The following HECTD4 variants were observed in gnomAD, a reference collection of about 807,000 sequenced individuals.
HECTD4 encodes probable E3 ubiquitin-protein ligase HECTD4.
A neutral mutation model predicts 471.5 loss-of-function variants in HECTD4; 114 were observed. The ratio of observed to expected loss-of-function variants is 0.24; its 90% confidence interval spans 0.21 to 0.28. HECTD4 has a LOEUF of 0.28. HECTD4 is among the 10% of genes least tolerant of loss of function. HECTD4 has a pLI of 1.00. For missense variants in HECTD4, 3,866 were observed against 5,651.5 expected, an observed-to-expected ratio of 0.68 and a Z score of 10.13; for synonymous variants, 2,012 against 2,256.0, an observed-to-expected ratio of 0.89 and a Z score of 3.07.
chr12:112,238,988 A>G, intron 34 of HECTD4, 64 bp downstream of exon 34: 1 of 1,468,852 alleles, frequency 6.8e-7, no homozygotes, highest in African/African-American at 1.4e-5. Context: ...GCATAAAAAA[A>G]CCAATAAACT....
intron 45 of HECTD4, among the ~76,000 whole-genome samples, 162 bp from the exon 46 acceptor site, chr12:112,217,357 AATTT>A (rs918156015): frequency 1.7e-4 from 25 of 148,222 alleles, no homozygotes; most frequent in Non-Finnish European, 3.0e-4. Context: ...ACACACACAC[AATTT>A]ATTTATTTAG....
intron 13 of HECTD4, among the ~76,000 whole-genome samples, chr12:112,269,332 T>A (rs1487838447): frequency 6.6e-6 from 1 of 152,156 alleles, no homozygotes; most frequent in African/African-American, 2.4e-5. Context: ...AAGGTCACAC[T>A]AGTGAGTGGC....
At chr12:112,268,571 C>T (rs148580030) in intron 13 of HECTD4, among the ~76,000 whole-genome samples, 1 of 152,014 alleles carries the variant, frequency 6.6e-6, no homozygotes, top group Non-Finnish European at 1.5e-5. Flanking sequence ...GCCTGGCCAA[C>T]GTGGTGAAAC....
At chr12:112,283,380 G>T in intron 7 of HECTD4, 78 bp from the exon 8 acceptor site, 1 of 1,118,254 alleles carries the variant, frequency 8.9e-7, no homozygotes, top group South Asian at 1.7e-5. Context: ...GGATATTATT[G>T]TGAGTAAATA....
At position 112,227,968 on chromosome 12, in the gene HECTD4, T is replaced by C. The variant is rs549231863; in HGVS notation, c.6854+121A>G. The C allele has an allele frequency of 9.6e-5, 83 of 863,176 alleles. No individual in the cohort carries two copies. The African/African-American group carries it at 1.1e-3, about 11-fold the overall frequency. 53.5% of individuals were successfully genotyped at this position (863,176 alleles called of 1,614,324 possible). A position where few individuals can be genotyped will look rare whatever the true frequency, so the allele number is the denominator to read the frequency against. Reference sequence around the variant, plus strand: ...TAAAAGAATGGTTACTGTTGCTCAGTTTAGTGTGAGCTTCAAGCTGTGGAT... The same window carrying C: ...TAAAAGAATGGTTACTGTTGCTCAGCTTAGTGTGAGCTTCAAGCTGTGGAT... On this transcript the variant is annotated intron_variant, in intron 43 of 75. Transcript: ENST00000682272.
intron 1 of HECTD4, among the ~76,000 whole-genome samples, chr12:112,324,589 T>TA (rs1420511154): frequency 6.6e-6 from 1 of 152,116 alleles, no homozygotes; most frequent in African/African-American, 2.4e-5. Flanking sequence ...TCAAGTTCCT[T>TA]AAAAAATGAT....
intron 10 of HECTD4, 149 bp downstream of exon 10, chr12:112,274,698 C>T (rs767156626): frequency 4.9e-6 from 3 of 606,232 alleles, no homozygotes; most frequent in African/African-American, 1.9e-5. Flanking sequence ...CAGAAGAGAC[C>T]CTGTCTCAAA....
intron 1 of HECTD4, among the ~76,000 whole-genome samples, chr12:112,361,818 T>C (rs941570787): frequency 1.3e-5 from 2 of 152,218 alleles, no homozygotes; most frequent in Non-Finnish European, 2.9e-5. Context: ...TGTATGGCCC[T>C]GAATGTTAAC....
rs1257835513 is a variant in HECTD4 at position 112,256,526 on chromosome 12, G to C, written c.3129-8C>G. 6.6e-7 allele frequency: 1 copy of C among 1,518,616 alleles called. No homozygotes were observed. Among genetic ancestry groups the C allele is most frequent in the Non-Finnish European group, 8.8e-7 (1 of 1,135,844 alleles). 94.1% of individuals were successfully genotyped at this position (1,518,616 alleles called of 1,614,324 possible). A position where few individuals can be genotyped will look rare whatever the true frequency, so the allele number is the denominator to read the frequency against. Reference sequence around the variant, plus strand: ...TCCTTCTCTTCTAACATTCTAAACAGAAAAAGAGAAAGTGATTTAGCTTAG... The same window carrying C: ...TCCTTCTCTTCTAACATTCTAAACACAAAAAGAGAAAGTGATTTAGCTTAG... On this transcript the variant is annotated splice_region_variant and splice_polypyrimidine_tract_variant and intron_variant, in intron 20 of 75. Transcript: ENST00000682272.
rs2034090443 is a variant in HECTD4 at position 112,259,209 on chromosome 12, A to G, written c.2930T>C (p.Val977Ala). ...TGGATGCATCAAGGAGGTCAGTAAC[A>G]CTGGAAGAAGGTGACCAAGCATAGT... is the stretch of plus-strand genomic sequence containing the variant. Reference protein sequence around the residue: ...KATMLGHLLPVLLTSLMHPNL... With the variant: ...KATMLGHLLPALLTSLMHPNL... The change falls in exon 19 of 76, where the codon GTG (valine) becomes GCG (alanine). Residue 977 changes from valine (V) to alanine (A), a missense_variant. Around this residue, in one of 16 missense-constraint regions of HECTD4, gnomAD observed 525 missense variants for 672.6 expected, o/e 0.78. Transcript: ENST00000682272. 6 of 1,613,842 alleles carry G rather than the reference A, an allele frequency of 3.7e-6. No individual in the cohort carries two copies. The highest frequency in any genetic ancestry group is 5.1e-6 in the Non-Finnish European group (6 of 1,179,862).
At position 112,235,213 on chromosome 12, in the gene HECTD4, T is replaced by C. The variant is rs778434304; in HGVS notation, c.5779A>G (p.Lys1927Glu). Residue 1927 changes from lysine to glutamate, a missense_variant, in exon 37 of 76, where the codon AAA becomes GAA. Physicochemically the swap from Lys to Glu is moderately conservative, Grantham distance 56. Coordinates refer to ENST00000682272, the MANE Select transcript of HECTD4 (RefSeq NM_001388303.1). The surrounding 1 kb of genome is among the most constrained non-coding windows in gnomAD (Gnocchi z 5.0). ...TASEPDTTLT[K>E]TSPKNSLKGD... is the part of the protein sequence containing the mutation. ...TTCAAGGAATTCTTGGGACTGGTTT[T>C]TGTCAATGTGGTGTCAGGTTCAGAA... 1.2e-6 allele frequency: 2 copies of C among 1,614,032 alleles called. No individual in the cohort carries two copies. The highest frequency in any genetic ancestry group is 4.5e-5 in the East Asian group (2 of 44,888).
At position 112,314,562 on chromosome 12, in the gene HECTD4, A is replaced by T; in HGVS notation, c.696-16T>A. On this transcript the variant is annotated splice_polypyrimidine_tract_variant and intron_variant, in intron 2 of 75. Transcript: ENST00000682272. ...CAATGATCCCCTAAAAATAAAAGGA[A>T]GGAACAGTAAATCATCAAAATTTAA... 1 of 1,321,642 alleles carries T rather than the reference A, an allele frequency of 7.6e-7. No individual in the cohort carries two copies. Among genetic ancestry groups the T allele is most frequent in the South Asian group, 1.3e-5 (1 of 78,648 alleles). 81.9% of individuals were successfully genotyped at this position (1,321,642 alleles called of 1,614,324 possible). A position where few individuals can be genotyped will look rare whatever the true frequency, so the allele number is the denominator to read the frequency against.
chr12:112,199,483 T>C (rs2032347384), intron 55 of HECTD4, among the ~76,000 whole-genome samples: 1 of 152,190 alleles, frequency 6.6e-6, no homozygotes, highest in South Asian at 2.1e-4. Context: ...TTCAAAATTG[T>C]CAACATCATG....
chr12:112,239,973 G>A lies in HECTD4; in HGVS notation c.5013C>T (p.Gly1671=), dbSNP rs374020760. 1.5e-4 allele frequency: 241 copies of A among 1,613,832 alleles called. No individual in the cohort carries two copies. The highest frequency in any genetic ancestry group is 1.9e-4 in the Non-Finnish European group (228 of 1,179,826). The change falls in exon 33 of 76, where the codon GGC becomes GGT. Residue 1671 remains glycine (G), a synonymous_variant. Transcript: ENST00000682272. This position sits in a 1 kb window ranked among gnomAD's most constrained non-coding sequence, Gnocchi z 4.9. The part of the protein sequence containing the change: ...GMVEQVQEAF[G]ETMTSVVSLC... ...GAGACACAACAGAGGTCATGGTCTC[G>A]CCAAAGGCTTCCTGGACCTGCTCGA...
In HECTD4 at chr12:112,233,105, G is replaced by C; in HGVS notation, c.5916-20C>G. 6.3e-7 allele frequency: 1 copy of C among 1,584,472 alleles called. No individual in the cohort carries two copies. Among genetic ancestry groups the C allele is most frequent in the East Asian group, 2.3e-5 (1 of 43,756 alleles). ...GAACTACTGAAAAAAGGCAGGCAGA[G>C]AACACAGCACACCTTACAGGCACTG... On this transcript the variant is annotated intron_variant, in intron 37 of 75. Transcript: ENST00000682272.
At chr12:112,199,735 A>G (rs2032359134) in intron 55 of HECTD4, among the ~76,000 whole-genome samples, 1 of 152,354 alleles carries the variant, frequency 6.6e-6, no homozygotes, top group South Asian at 2.1e-4. Context: ...AAGCCTGCAC[A>G]GTGCTAGGCA....
intron 1 of HECTD4, among the ~76,000 whole-genome samples, chr12:112,374,692 T>C (rs143601872): frequency 1.3e-5 from 2 of 152,296 alleles, no homozygotes; most frequent in African/African-American, 4.8e-5. Context: ...TTCCAAAGGA[T>C]TTTGCCCAAA....
intron 25 of HECTD4, 149 bp downstream of exon 25, chr12:112,249,995 G>C: frequency 1.5e-6 from 1 of 657,728 alleles, no homozygotes; most frequent in Non-Finnish European, 2.6e-6. Flanking sequence ...CTGCCTGGTG[G>C]GCCCTCTAGA....
intron 43 of HECTD4, among the ~76,000 whole-genome samples, chr12:112,227,523 A>G (rs1041312316): frequency 6.6e-6 from 1 of 152,210 alleles, no homozygotes; most frequent in Non-Finnish European, 1.5e-5. Flanking sequence ...CGCTAAATAA[A>G]TGTATTTGCA....
Sources: allele counts gnomAD v4.1 joint callset (sites outside exome capture counted in the v4.1 genomes callset), GRCh38; gene constraint gnomAD v4.1.1; regional missense constraint gnomAD v4.1.1; non-coding constraint Gnocchi (gnomAD v3.1); transcripts MANE v1.5; gene names NCBI Gene and HGNC (gene_info 2026-07-23, HGNC 2026-07-21).